AKAP19: variants seen among roughly 807,000 people sequenced by gnomAD.
AKAP19 encodes the protein small A-kinase anchoring protein.
the AKAP19 span, among the ~76,000 whole-genome samples, chr2:190,015,626 C>T: frequency 5.3e-5 from 8 of 152,206 alleles, no homozygotes; most frequent in Non-Finnish European, 1.2e-4. Flanking sequence ...CTGCAGCCAG[C>T]TTGAATTCTT....
chr2:190,177,478 C>T, the AKAP19 span, among the ~76,000 whole-genome samples: 3 of 152,192 alleles, frequency 2.0e-5, no homozygotes, highest in African/African-American at 7.2e-5. The surrounding 1 kb of genome is among the most constrained non-coding windows in gnomAD (Gnocchi z 4.6). Context: ...AAGTGAATCC[C>T]AGGGCCCGGA....
chr2:190,064,261 A>C, the AKAP19 span, among the ~76,000 whole-genome samples: 25 of 152,264 alleles, frequency 1.6e-4, no homozygotes, highest in Non-Finnish European at 2.9e-4. Context: ...AGATGCCCTG[A>C]GGATTTCAGA....
At chr2:189,940,622 T>C in the AKAP19 span, among the ~76,000 whole-genome samples, 1 of 151,698 alleles carries the variant, frequency 6.6e-6, no homozygotes. Flanking sequence ...TTCCAAAACT[T>C]GAGGAGATAA....
chr2:190,156,028 T>A, the AKAP19 span, among the ~76,000 whole-genome samples: 1 of 152,082 alleles, frequency 6.6e-6, no homozygotes, highest in South Asian at 2.1e-4. Context: ...TATGGAATAA[T>A]TAATGTAAAA....
the AKAP19 span, among the ~76,000 whole-genome samples, chr2:190,084,922 G>A: frequency 1.3e-5 from 2 of 152,210 alleles, no homozygotes; most frequent in South Asian, 2.1e-4. Flanking sequence ...TGCATATAGT[G>A]CATTGAAAAG....
At chr2:190,122,074 G>A in the AKAP19 span, among the ~76,000 whole-genome samples, 2 of 152,142 alleles carry the variant, frequency 1.3e-5, no homozygotes, top group South Asian at 4.1e-4. Context: ...TTTGTCTTAA[G>A]GGAGAAGTAA....
At chr2:190,057,109 C>T in the AKAP19 span, 3 of 743,170 alleles carry the variant, frequency 4.0e-6, no homozygotes, top group Non-Finnish European at 6.5e-6. Flanking sequence ...GCATATATTC[C>T]CCCTTTTAGT....
the AKAP19 span, among the ~76,000 whole-genome samples, chr2:190,171,241 AAAAC>A: frequency 2.0e-5 from 3 of 152,144 alleles, no homozygotes; most frequent in African/African-American, 4.8e-5. Context: ...GTTAAAAAAA[AAAAC>A]AAACAGTGCA....
At chr2:190,079,491 T>G in the AKAP19 span, 1 of 152,224 alleles carries the variant, frequency 6.6e-6, no homozygotes, top group African/African-American at 2.4e-5. Context: ...ACTCTGTGAG[T>G]GTTCTCTCCC....
the AKAP19 span, among the ~76,000 whole-genome samples, chr2:189,924,532 G>A: frequency 2.0e-5 from 3 of 152,080 alleles, no homozygotes; most frequent in Non-Finnish European, 2.9e-5. Context: ...ATAATCTCTT[G>A]TTATGCAGGG....
the AKAP19 span, chr2:190,062,273 A>G: frequency 6.2e-7 from 1 of 1,613,192 alleles, no homozygotes; most frequent in East Asian, 2.2e-5. Flanking sequence ...GATAATCGTC[A>G]TCTTCCAAAG....
the AKAP19 span, among the ~76,000 whole-genome samples, chr2:190,182,788 C>T: frequency 4.6e-5 from 7 of 152,296 alleles, no homozygotes; most frequent in Admixed American, 1.3e-4. Context: ...CCTCCATACC[C>T]CGTGTGCTTT....
At chr2:190,135,877 C>G in the AKAP19 span, among the ~76,000 whole-genome samples, 1 of 152,082 alleles carries the variant, frequency 6.6e-6, no homozygotes, top group African/African-American at 2.4e-5. Context: ...TGAAAGATAC[C>G]AGTTGGGGCA....
chr2:190,010,687 A>G, the AKAP19 span, among the ~76,000 whole-genome samples: 1 of 152,346 alleles, frequency 6.6e-6, no homozygotes, highest in African/African-American at 2.4e-5. Context: ...GAGGGGCTGC[A>G]TAACAAAAAT....
chr2:190,082,398 A>G, the AKAP19 span, among the ~76,000 whole-genome samples: 2 of 152,176 alleles, frequency 1.3e-5, no homozygotes, highest in Non-Finnish European at 2.9e-5. Flanking sequence ...GCAGGCTACA[A>G]CCCTTTATGT....
chr2:190,128,251 A>G, the AKAP19 span, among the ~76,000 whole-genome samples: 168 of 152,326 alleles, frequency 1.1e-3, no homozygotes, highest in African/African-American at 3.9e-3. Context: ...TCAAACTGGT[A>G]AAAATCCAAT....
chr2:190,165,308 G>C, the AKAP19 span, among the ~76,000 whole-genome samples: 1 of 151,874 alleles, frequency 6.6e-6, no homozygotes, highest in South Asian at 2.1e-4. Context: ...ATGGTGGTGG[G>C]CGCCTGTACT....
the AKAP19 span, among the ~76,000 whole-genome samples, chr2:190,143,515 T>A: frequency 6.6e-6 from 1 of 152,306 alleles, no homozygotes; most frequent in Admixed American, 6.5e-5. Context: ...TGCCTTATCA[T>A]CATATGTTTA....
chr2:190,196,505 A>G, the AKAP19 span, among the ~76,000 whole-genome samples: 2 of 145,920 alleles, frequency 1.4e-5, no homozygotes, highest in East Asian at 3.9e-4. Context: ...ATTAATTTCT[A>G]TTAAGAAATG....
Sources: gnomAD v4.1 joint callset for allele counts (sites outside exome capture counted in the v4.1 genomes callset) on GRCh38, gnomAD v4.1.1 for gene constraint, Gnocchi (gnomAD v3.1) non-coding constraint, MANE v1.5 for transcripts, NCBI Gene and HGNC (gene_info 2026-07-23, HGNC 2026-07-21) for gene names.